BRI3BP: variants seen among roughly 807,000 people sequenced by gnomAD.
The protein encoded by BRI3BP is BRI3 binding protein, also known as BRI3-binding protein.
Under a neutral mutation model 15.8 loss-of-function variants are expected in BRI3BP, and 7 were observed. The ratio of observed to expected loss-of-function variants is 0.44; its 90% CI spans 0.25 to 0.83. The LOEUF (loss-of-function observed/expected upper bound fraction) is 0.83, where lower values mean the gene tolerates loss of function less well. BRI3BP is among the 40% of genes least tolerant of loss of function. BRI3BP has a pLI of 0.20. For missense variants in BRI3BP, 320 were observed against 339.3 expected, an observed-to-expected ratio of 0.94 and a Z score of 0.45; for synonymous variants, 192 against 163.5, an observed-to-expected ratio of 1.17 and a Z score of -1.33.
rs980437814 is a variant in BRI3BP at position 125,021,307 on chromosome 12, C to T, written c.317-3684C>T. Among the ~76,000 whole-genome samples, 13 of 152,150 alleles carry T rather than the reference C, an allele frequency of 8.5e-5. 1 individual carries two copies. The highest frequency in any genetic ancestry group is 1.5e-4 in the Non-Finnish European group (10 of 68,028). ...TTGGGGAACTATGAGATGTTCACGCCGTAGGTGTCGTTATTGACCGGAGGA... is the reference window on the plus strand; with the variant it reads ...TTGGGGAACTATGAGATGTTCACGCTGTAGGTGTCGTTATTGACCGGAGGA... On this transcript the variant is annotated intron_variant, in intron 2 of 2. Transcript: ENST00000341446.
the BRI3BP span, among the ~76,000 whole-genome samples, chr12:125,046,448 G>A: frequency 2.6e-5 from 4 of 152,046 alleles, no homozygotes; most frequent in Admixed American, 6.6e-5. Context: ...CATCTACTCA[G>A]GAAGCTGAGG....
chr12:124,999,794 G>T (rs1955069545), intron 1 of BRI3BP, among the ~76,000 whole-genome samples: 1 of 97,682 alleles, frequency 1.0e-5, no homozygotes, highest in South Asian at 3.2e-4. Context: ...ATTTTTTTGT[G>T]TGTTTTTAGT....
chr12:125,037,484 A>G, the BRI3BP span, among the ~76,000 whole-genome samples: 1 of 152,166 alleles, frequency 6.6e-6, no homozygotes, highest in African/African-American at 2.4e-5. Flanking sequence ...AGGAAGTCCC[A>G]TCTGTCAGGA....
chr12:125,034,784 T>C (rs1955431394), downstream of BRI3BP, among the ~76,000 whole-genome samples: 1 of 152,094 alleles, frequency 6.6e-6, no homozygotes, highest in Non-Finnish European at 1.5e-5. Flanking sequence ...GAGACGGGGT[T>C]TCACCATATT....
At chr12:125,023,456 T>C (rs1488009825) in intron 2 of BRI3BP, among the ~76,000 whole-genome samples, 3 of 152,176 alleles carry the variant, frequency 2.0e-5, no homozygotes, top group Non-Finnish European at 4.4e-5. Flanking sequence ...CCTAGGTAGT[T>C]GTGTGCCCAG....
At position 125,026,836 on chromosome 12, in the gene BRI3BP, C is replaced by T. The variant is rs148983924; in HGVS notation, c.*1406C>T. 80 of 152,184 alleles carry T rather than the reference C, an allele frequency of 5.3e-4. No homozygotes were observed. Among genetic ancestry groups the T allele is most frequent in the African/African-American group, 1.7e-3 (71 of 41,454 alleles). 9.4% of individuals were successfully genotyped at this position (152,184 alleles called of 1,614,324 possible). Reference sequence around the variant, plus strand: ...GGCATGGTGGTGGGTGCCTGTAGTCCAGCTACTCAGGAGGCTGAGGCAGGA... The same window carrying T: ...GGCATGGTGGTGGGTGCCTGTAGTCTAGCTACTCAGGAGGCTGAGGCAGGA... On this transcript the variant is annotated 3_prime_UTR_variant, in exon 3 of 3. Coordinates refer to ENST00000341446, the MANE Select transcript of BRI3BP (RefSeq NM_080626.6).
Position 125,027,611 on chromosome 12 carries a change from A to C in BRI3BP, c.*2181A>C, listed in dbSNP as rs1397380305. The stretch of plus-strand genomic sequence containing the variant: ...CTTGAACATGGGAGGCGGAGGTTGC[A>C]GTCAGCTGAGATCATACCACCACAC... On this transcript the variant is annotated 3_prime_UTR_variant, in exon 3 of 3. Coordinates refer to ENST00000341446, the MANE Select transcript of BRI3BP (RefSeq NM_080626.6). The C allele has an allele frequency of 6.6e-6, 1 of 152,028 alleles. No homozygotes were observed. Among genetic ancestry groups the C allele is most frequent in the Non-Finnish European group, 1.5e-5 (1 of 68,036 alleles). 9.4% of individuals were successfully genotyped at this position (152,028 alleles called of 1,614,324 possible).
chr12:125,032,213 A>G (rs1375012068), downstream of BRI3BP, among the ~76,000 whole-genome samples: 1 of 152,196 alleles, frequency 6.6e-6, no homozygotes, highest in Non-Finnish European at 1.5e-5. Flanking sequence ...CTGTAATCCC[A>G]GCACTTTGGG....
downstream of BRI3BP, among the ~76,000 whole-genome samples, chr12:125,032,621 A>G (rs1204861101): frequency 2.0e-5 from 3 of 151,812 alleles, no homozygotes; most frequent in Admixed American, 6.6e-5. Context: ...TAAATAAATT[A>G]GTTGGGTGCA....
chr12:125,013,789 C>T (rs1302747657), intron 2 of BRI3BP, among the ~76,000 whole-genome samples: 6 of 152,144 alleles, frequency 3.9e-5, no homozygotes, highest in Non-Finnish European at 2.9e-5. Context: ...GCTAGTCACA[C>T]GTTTATAATC....
intron 2 of BRI3BP, among the ~76,000 whole-genome samples, chr12:125,018,405 AG>A (rs1231401535): frequency 6.6e-6 from 1 of 152,206 alleles, no homozygotes; most frequent in Non-Finnish European, 1.5e-5. Flanking sequence ...ATACTGGAGT[AG>A]GGTGAGTCCC....
At chr12:125,016,237 C>T (rs968991070) in intron 2 of BRI3BP, among the ~76,000 whole-genome samples, 10 of 152,168 alleles carry the variant, frequency 6.6e-5, no homozygotes, top group African/African-American at 1.2e-4. Context: ...CTTTGGAATT[C>T]GTGTCTTATG....
chr12:125,014,209 C>T (rs1955220624), intron 2 of BRI3BP, among the ~76,000 whole-genome samples: 1 of 152,166 alleles, frequency 6.6e-6, no homozygotes, highest in South Asian at 2.1e-4. Context: ...TGCTCTCCTT[C>T]TGTCCACAAG....
At chr12:125,011,814 T>C (rs1955199050) in intron 1 of BRI3BP, among the ~76,000 whole-genome samples, 4 of 152,230 alleles carry the variant, frequency 2.6e-5, no homozygotes, top group Admixed American at 2.0e-4. Flanking sequence ...CCTCAGAGGC[T>C]CAGGGTCCTT....
chr12:125,018,387 A>T (rs901995962), intron 2 of BRI3BP, among the ~76,000 whole-genome samples: 2 of 152,176 alleles, frequency 1.3e-5, no homozygotes, highest in Non-Finnish European at 2.9e-5. Context: ...ATTTGTTAAG[A>T]TGAGGTCATA....
chr12:125,006,456 G>C (rs1955145044), intron 1 of BRI3BP, among the ~76,000 whole-genome samples: 1 of 152,200 alleles, frequency 6.6e-6, no homozygotes, highest in Admixed American at 6.5e-5. Flanking sequence ...AAGAACCTCT[G>C]ACCTACACCT....
rs66571863 is a variant in BRI3BP, at chr12:125,000,016, CTTTTTTT to C, written c.213+6025_213+6031del. 3.7e-3 allele frequency among the ~76,000 whole-genome samples: 151 copies of C among 40,720 alleles called. 1 individual carries two copies. The highest frequency in any genetic ancestry group is 0.014 in the African/African-American group (135 of 9,556). The allele number at this position is 40,720 out of a possible 152,430, so 26.7% of individuals were successfully genotyped here. On this transcript the variant is annotated intron_variant, in intron 1 of 2. Coordinates refer to ENST00000341446, the MANE Select transcript of BRI3BP (RefSeq NM_080626.6). ...TTCTGGGAACTGCCTTTTGGTTTTT[CTTTTTTT>C]TTTTTTTTTTTGCCGTTCTATTGAG...
downstream of BRI3BP, among the ~76,000 whole-genome samples, chr12:125,035,335 C>T (rs1180974614): frequency 5.9e-5 from 9 of 151,902 alleles, no homozygotes; most frequent in East Asian, 1.9e-4. Context: ...ATAGCCTCAC[C>T]GACAGTTGGT....
At chr12:124,998,435 A>C (rs1044192614) in intron 1 of BRI3BP, among the ~76,000 whole-genome samples, 2 of 152,222 alleles carry the variant, frequency 1.3e-5, no homozygotes, top group Non-Finnish European at 2.9e-5. Context: ...TTCAGCCATA[A>C]AAAGGAATGA....
Sources: gnomAD v4.1 joint callset for allele counts (sites outside exome capture counted in the v4.1 genomes callset) on GRCh38, gnomAD v4.1.1 for gene constraint, MANE v1.5 for transcripts, NCBI Gene and HGNC (gene_info 2026-07-23, HGNC 2026-07-21) for gene names.